Variants in ANO2 observed in about 807,000 individuals in gnomAD.
ANO2 encodes the protein anoctamin 2.
Under a neutral mutation model 124.2 loss-of-function variants are expected in ANO2, and 101 were observed. The ratio of observed to expected loss-of-function variants is 0.81; its 90% CI spans 0.69 to 0.96. The LOEUF (loss-of-function observed/expected upper bound fraction) is 0.96, where lower values mean the gene tolerates loss of function less well. Among genes scored for constraint, ANO2 ranks in the 40% least tolerant of loss-of-function variants. The probability of loss-of-function intolerance (pLI) is 0.00; values close to 1 mark genes in which losing one functional copy is unlikely to be tolerated. For missense variants in ANO2, 1,293 were observed against 1,274.5 expected (o/e 1.01, Z -0.22); for synonymous variants, 486 against 482.5 (o/e 1.01, Z -0.09).
chr12:5,663,307 G>T (rs991735152), intron 14 of ANO2, among the ~76,000 whole-genome samples: 3 of 152,222 alleles, frequency 2.0e-5, no homozygotes, highest in Non-Finnish European at 4.4e-5. Context: ...AGGAAAAGCG[G>T]AGCCAAACAG....
chr12:5,611,721 G>T (rs1944557374), intron 19 of ANO2, among the ~76,000 whole-genome samples: 1 of 152,166 alleles, frequency 6.6e-6, no homozygotes, highest in Admixed American at 6.5e-5. Context: ...CATTATTGGA[G>T]GACTTCTCAA....
rs1374933377 is a variant in ANO2, at chr12:5,767,708, C to G, written c.1056-16738G>C. Among the ~76,000 whole-genome samples the G allele has an allele frequency of 3.9e-5, 6 of 152,272 alleles. No individual in the cohort carries two copies. In the East Asian group the frequency reaches 1.2e-3, roughly 29 times the overall value. The stretch of plus-strand genomic sequence containing the variant: ...ATAAATATTCTGTGAATTCAAGACT[C>G]GAGCTACTTGTCCGCATGGGCCCTT... On this transcript the variant is annotated intron_variant, in intron 10 of 24. Coordinates refer to ENST00000682330, the MANE Select transcript of ANO2 (RefSeq NM_001364791.2).
chr12:5,650,499 C>A (rs1037536868), intron 14 of ANO2, among the ~76,000 whole-genome samples: 1 of 152,148 alleles, frequency 6.6e-6, no homozygotes, highest in African/African-American at 2.4e-5. Flanking sequence ...CCAAGAGAAA[C>A]ACAAAGATTG....
At chr12:5,726,136 G>GAA in intron 14 of ANO2, among the ~76,000 whole-genome samples, 1 of 138,470 alleles carries the variant, frequency 7.2e-6, no homozygotes, top group Admixed American at 7.2e-5. Context: ...ACTGATTTAG[G>GAA]AAAAAAAAAA....
chr12:5,843,252 T>C (rs1954578975), intron 4 of ANO2, among the ~76,000 whole-genome samples: 1 of 152,288 alleles, frequency 6.6e-6, no homozygotes, highest in Non-Finnish European at 1.5e-5. Context: ...AAGTTCTCCA[T>C]CCTTAATAAA....
At chr12:5,847,764 A>C (rs2137243732) in intron 4 of ANO2, among the ~76,000 whole-genome samples, 1 of 152,348 alleles carries the variant, frequency 6.6e-6, no homozygotes, top group Non-Finnish European at 1.5e-5. Context: ...TAAAATGCCA[A>C]GTTTCTTTGC....
chr12:5,580,373 T>C (rs1942676872), intron 20 of ANO2, among the ~76,000 whole-genome samples: 1 of 152,224 alleles, frequency 6.6e-6, no homozygotes, highest in African/African-American at 2.4e-5. Flanking sequence ...ATGACTGCAA[T>C]GTATACTGTA....
intron 3 of ANO2, among the ~76,000 whole-genome samples, chr12:5,897,351 T>G (rs1159444358): frequency 6.6e-6 from 1 of 151,822 alleles, no homozygotes; most frequent in African/African-American, 2.4e-5. Context: ...AAAAAAAAAC[T>G]GCTCAGGTTA....
intron 14 of ANO2, among the ~76,000 whole-genome samples, chr12:5,705,339 G>C (rs1027190867): frequency 2.0e-5 from 3 of 152,134 alleles, no homozygotes; most frequent in East Asian, 3.9e-4. Flanking sequence ...GAAAGAAAAG[G>C]GGGGAAGAGC....
Position 5,794,343 on chromosome 12 carries a change from T to C in ANO2, c.1055+5164A>G, listed in dbSNP as rs1290421934. 3.9e-5 allele frequency among the ~76,000 whole-genome samples: 6 copies of C among 152,196 alleles called. No individual in the cohort carries two copies. In the South Asian group the frequency reaches 1.2e-3, roughly 31 times the overall value. On this transcript the variant is annotated intron_variant, in intron 10 of 24. Transcript: ENST00000682330. ...GCAGAGCAAGGGACTTGGGCCAGGT[T>C]GGCAGGGAATCCTTACAGACAAGGT...
chr12:5,821,569 G>C (rs1953799456), intron 7 of ANO2, among the ~76,000 whole-genome samples: 1 of 152,208 alleles, frequency 6.6e-6, no homozygotes, highest in African/African-American at 2.4e-5. Context: ...GATGCTGTTT[G>C]GAGCCTCTGG....
At chr12:5,680,172 T>C (rs539308610) in intron 14 of ANO2, among the ~76,000 whole-genome samples, 1 of 152,280 alleles carries the variant, frequency 6.6e-6, no homozygotes, top group East Asian at 1.9e-4. Flanking sequence ...TCAGGAAGAA[T>C]AGCTAATGGA....
chr12:5,755,269 C>G (rs1197210958), intron 10 of ANO2, among the ~76,000 whole-genome samples: 2 of 151,686 alleles, frequency 1.3e-5, no homozygotes, highest in African/African-American at 2.4e-5. Flanking sequence ...CCACTAGTAG[C>G]CTTATAATGG....
At chr12:5,823,800 C>A (rs564226361) in intron 7 of ANO2, among the ~76,000 whole-genome samples, 1 of 152,334 alleles carries the variant, frequency 6.6e-6, no homozygotes, top group East Asian at 1.9e-4. Context: ...CCATGAGGGC[C>A]CCACCCCTGC....
chr12:5,804,436 A>G (rs1195827513), intron 9 of ANO2, among the ~76,000 whole-genome samples: 1 of 152,176 alleles, frequency 6.6e-6, no homozygotes, highest in Admixed American at 6.5e-5. Flanking sequence ...AAGACTGGCC[A>G]GCAAGCCCAA....
At chr12:5,820,791 G>T (rs939804379) in intron 7 of ANO2, among the ~76,000 whole-genome samples, 2 of 152,228 alleles carry the variant, frequency 1.3e-5, no homozygotes, top group Non-Finnish European at 2.9e-5. Context: ...AATAACAGGG[G>T]ATTACTGTAA....
At chr12:5,718,466 C>T (rs961931292) in intron 14 of ANO2, among the ~76,000 whole-genome samples, 10 of 152,184 alleles carry the variant, frequency 6.6e-5, no homozygotes, top group Admixed American at 6.5e-5. Context: ...GTTCACCCAA[C>T]GTCCATAGAA....
At chr12:5,771,055 T>G (rs1406560184) in intron 10 of ANO2, among the ~76,000 whole-genome samples, 3 of 152,204 alleles carry the variant, frequency 2.0e-5, no homozygotes, top group Non-Finnish European at 4.4e-5. Flanking sequence ...CTTTCTAAAT[T>G]TGTGTTTTTG....
At chr12:5,855,543 T>C (rs886718227) in intron 3 of ANO2, among the ~76,000 whole-genome samples, 2 of 152,202 alleles carry the variant, frequency 1.3e-5, no homozygotes, top group African/African-American at 4.8e-5. Context: ...AAAAGGAGAT[T>C]GGACTATGGT....
Sources: allele counts gnomAD v4.1 joint callset (sites outside exome capture counted in the v4.1 genomes callset), GRCh38; gene constraint gnomAD v4.1.1; transcripts MANE v1.5; gene names NCBI Gene and HGNC (gene_info 2026-07-23, HGNC 2026-07-21).